The following SIPA1L3 variants were observed in gnomAD, a reference collection of about 807,000 sequenced individuals.
SIPA1L3 encodes signal-induced proliferation-associated 1-like protein 3.
Under a neutral mutation model 150.1 loss-of-function variants are expected in SIPA1L3, and 59 were observed. The observed-to-expected ratio is 0.39, with a 90% confidence interval of 0.32 to 0.49. The LOEUF is 0.49. SIPA1L3 is among the 20% of genes least tolerant of loss of function. SIPA1L3 has a pLI of 0.86. For missense variants in SIPA1L3, 2,211 were observed against 2,489.5 expected (o/e 0.89, Z 2.38); for synonymous variants, 1,070 against 1,077.6 (o/e 0.99, Z 0.14).
At chr19:38,003,505 G>T (rs1033150716) in intron 1 of SIPA1L3, among the ~76,000 whole-genome samples, 1 of 152,214 alleles carries the variant, frequency 6.6e-6, no homozygotes, top group Non-Finnish European at 1.5e-5. Flanking sequence ...CCAGATGGGC[G>T]TTGCTATGGA....
chr19:37,953,950 C>G (rs1166488344), intron 1 of SIPA1L3, among the ~76,000 whole-genome samples: 1 of 152,164 alleles, frequency 6.6e-6, no homozygotes, highest in East Asian at 1.9e-4. Flanking sequence ...CCCTGTATAC[C>G]TCCTTGTACA....
At chr19:37,974,142 T>C (rs555641218) in intron 1 of SIPA1L3, among the ~76,000 whole-genome samples, 1 of 152,280 alleles carries the variant, frequency 6.6e-6, no homozygotes, top group South Asian at 2.1e-4. Context: ...GCAGTATTTG[T>C]TTTCATCAAC....
intron 16 of SIPA1L3, among the ~76,000 whole-genome samples, chr19:38,191,372 C>T (rs1972799671): frequency 6.6e-6 from 1 of 151,584 alleles, no homozygotes; most frequent in Non-Finnish European, 1.5e-5. Flanking sequence ...TGCATTCCAG[C>T]CTGGGCAACG....
intron 6 of SIPA1L3, 137 bp from the exon 7 acceptor site, chr19:38,106,400 C>G (rs1048719768): frequency 8.5e-6 from 6 of 707,842 alleles, no homozygotes; most frequent in Non-Finnish European, 1.5e-5. Flanking sequence ...AACCACCAGG[C>G]CTGGCCAGTG....
At chr19:38,156,931 G>C (rs558234191) in intron 13 of SIPA1L3, among the ~76,000 whole-genome samples, 6 of 152,284 alleles carry the variant, frequency 3.9e-5, no homozygotes, top group African/African-American at 1.4e-4. Flanking sequence ...GGGAGGCTGA[G>C]GTGGGAGGAT....
intron 1 of SIPA1L3, among the ~76,000 whole-genome samples, chr19:37,913,438 C>T (rs373354541): frequency 5.3e-5 from 8 of 152,118 alleles, no homozygotes; most frequent in Non-Finnish European, 1.0e-4. Context: ...GATGGAGTCT[C>T]GCTGTCACCC....
At chr19:38,122,677 C>A (rs1208223337) in intron 9 of SIPA1L3, among the ~76,000 whole-genome samples, 1 of 152,168 alleles carries the variant, frequency 6.6e-6, no homozygotes, top group Non-Finnish European at 1.5e-5. Context: ...GGCTCCCTGT[C>A]GACTTCTCTG....
chr19:38,002,314 G>A (rs555018515), intron 1 of SIPA1L3, among the ~76,000 whole-genome samples: 81 of 152,140 alleles, frequency 5.3e-4, no homozygotes, highest in African/African-American at 1.9e-3. Flanking sequence ...TTTTGTGGCT[G>A]GCATATTTTA....
At chr19:38,055,607 C>T (rs1478621293) in intron 2 of SIPA1L3, among the ~76,000 whole-genome samples, 1 of 152,228 alleles carries the variant, frequency 6.6e-6, no homozygotes, top group Non-Finnish European at 1.5e-5. Flanking sequence ...GCCACCCCAA[C>T]AAATGTGGAC....
At chr19:38,014,240 C>T (rs1000897615) in intron 1 of SIPA1L3, among the ~76,000 whole-genome samples, 1 of 152,214 alleles carries the variant, frequency 6.6e-6, no homozygotes, top group African/African-American at 2.4e-5. Flanking sequence ...TTCCTGGGTG[C>T]CAGGTGCCAT....
At chr19:38,159,741 G>A (rs1432797764) in intron 13 of SIPA1L3, among the ~76,000 whole-genome samples, 2 of 152,232 alleles carry the variant, frequency 1.3e-5, no homozygotes, top group Non-Finnish European at 2.9e-5. Flanking sequence ...TATCGGAGAT[G>A]CTCCTGATAC....
intron 1 of SIPA1L3, among the ~76,000 whole-genome samples, chr19:37,970,640 GAAC>G (rs950237992): frequency 7.9e-5 from 12 of 152,222 alleles, no homozygotes; most frequent in Admixed American, 7.2e-4. Context: ...AAAGGCGGTT[GAAC>G]CCTCCTCTCC....
intron 1 of SIPA1L3, among the ~76,000 whole-genome samples, chr19:37,931,608 G>A (rs757686701): frequency 6.6e-6 from 1 of 152,052 alleles, no homozygotes; most frequent in Admixed American, 6.6e-5. Context: ...AAAGTAGCTG[G>A]GTGTGATGGT....
intron 15 of SIPA1L3, among the ~76,000 whole-genome samples, chr19:38,171,549 C>T (rs1473768353): frequency 6.6e-6 from 1 of 151,798 alleles, no homozygotes; most frequent in Non-Finnish European, 1.5e-5. Flanking sequence ...CCTGCCACCA[C>T]GCCCGGCTAA....
At chr19:38,050,356 T>G (rs1038071533) in intron 2 of SIPA1L3, among the ~76,000 whole-genome samples, 3 of 151,982 alleles carry the variant, frequency 2.0e-5, no homozygotes, top group Non-Finnish European at 4.4e-5. Context: ...CTCAGGAGGC[T>G]GAGGCAGGAG....
chr19:37,966,127 A>C (rs2046902026), intron 1 of SIPA1L3, among the ~76,000 whole-genome samples: 1 of 152,162 alleles, frequency 6.6e-6, no homozygotes, highest in South Asian at 2.1e-4. Context: ...TTCTGAAATA[A>C]GTGCTAATTG....
intron 2 of SIPA1L3, among the ~76,000 whole-genome samples, chr19:38,035,221 T>C (rs1025725452): frequency 1.3e-5 from 2 of 152,230 alleles, no homozygotes; most frequent in African/African-American, 2.4e-5. Flanking sequence ...AGCTCTCCTT[T>C]CTGAACTTCT....
chr19:38,205,610 ATGC>A (rs1357003431), intron 21 of SIPA1L3, among the ~76,000 whole-genome samples: 1 of 152,106 alleles, frequency 6.6e-6, no homozygotes, highest in Non-Finnish European at 1.5e-5. Context: ...CCACTGCATA[ATGC>A]TGCGCAACCT....
intron 2 of SIPA1L3, among the ~76,000 whole-genome samples, chr19:38,042,392 A>T (rs980154381): frequency 5.9e-5 from 9 of 152,196 alleles, no homozygotes; most frequent in Non-Finnish European, 1.0e-4. Context: ...TGATGCCTCC[A>T]ACTTTTTATT....
Sources: allele counts gnomAD v4.1 joint callset (sites outside exome capture counted in the v4.1 genomes callset), GRCh38; gene constraint gnomAD v4.1.1; transcripts MANE v1.5; gene names NCBI Gene and HGNC (gene_info 2026-07-23, HGNC 2026-07-21).